Variants in TMTC1 observed in about 807,000 individuals in gnomAD.
TMTC1 encodes the protein protein O-mannosyl-transferase TMTC1.
A neutral mutation model predicts 104.8 loss-of-function variants in TMTC1; 73 were observed. The ratio of observed to expected loss-of-function variants is 0.70; its 90% CI spans 0.58 to 0.85. TMTC1 has a LOEUF of 0.85. TMTC1 is among the 40% of genes least tolerant of loss of function. The pLI, the probability that TMTC1 is intolerant of heterozygous loss-of-function variation, is 0.00. For missense variants in TMTC1, 1,035 were observed against 1,096.1 expected (o/e 0.94, Z 0.79); for synonymous variants, 434 against 428.7 (o/e 1.01, Z -0.15).
At chr12:29,686,179 C>A (rs1001008713) in intron 5 of TMTC1, among the ~76,000 whole-genome samples, 1 of 152,200 alleles carries the variant, frequency 6.6e-6, no homozygotes, top group African/African-American at 2.4e-5. Flanking sequence ...CTCCTGGATT[C>A]TTTGAACATC....
chr12:29,739,689 C>T (rs566393511), intron 5 of TMTC1, among the ~76,000 whole-genome samples: 2 of 152,126 alleles, frequency 1.3e-5, no homozygotes, highest in South Asian at 4.1e-4. Flanking sequence ...CTGCACTCGT[C>T]AAATTTTAAA....
At chr12:29,603,032 G>A (rs902572017) in intron 7 of TMTC1, among the ~76,000 whole-genome samples, 1 of 152,164 alleles carries the variant, frequency 6.6e-6, no homozygotes, top group Admixed American at 6.5e-5. Context: ...TTATTGGCAA[G>A]CCTTCACAAG....
chr12:29,584,734 C>A (rs191375016), intron 7 of TMTC1, among the ~76,000 whole-genome samples: 2,994 of 152,046 alleles, frequency 0.02, 49 homozygotes, highest in South Asian at 0.044. Flanking sequence ...ATGATGGTTT[C>A]CAGCTTCATC....
chr12:29,615,942 T>C (rs1946966176), intron 6 of TMTC1, among the ~76,000 whole-genome samples: 1 of 152,190 alleles, frequency 6.6e-6, no homozygotes, highest in Non-Finnish European at 1.5e-5. Flanking sequence ...CAGGCACCTT[T>C]GTATATCAAA....
intron 5 of TMTC1, among the ~76,000 whole-genome samples, chr12:29,710,270 T>C (rs1001238403): frequency 2.0e-5 from 3 of 152,060 alleles, no homozygotes; most frequent in East Asian, 3.9e-4. Context: ...CCAGGCCTGT[T>C]AGGACACAGC....
chr12:29,661,850 G>C (rs915891360), intron 5 of TMTC1, among the ~76,000 whole-genome samples: 1 of 152,160 alleles, frequency 6.6e-6, no homozygotes, highest in East Asian at 1.9e-4. Context: ...AACCAAACTA[G>C]GTTACAAGAA....
intron 7 of TMTC1, among the ~76,000 whole-genome samples, chr12:29,602,621 C>T (rs1419568868): frequency 6.6e-6 from 1 of 151,702 alleles, no homozygotes; most frequent in Non-Finnish European, 1.5e-5. Flanking sequence ...AATTACTTGA[C>T]ATAAAGAATA....
Position 29,536,211 on chromosome 12 carries a change from G to T in TMTC1, c.1783C>A (p.Gln595Lys), listed in dbSNP as rs1944638756. Residue 595 changes from glutamine to lysine, a missense_variant and splice_region_variant, in exon 11 of 18, where the codon CAG becomes AAG. Transcript: ENST00000539277. ...YSSLASLLAEQERFKEAEEIY... is the reference protein window; with the variant it reads ...YSSLASLLAEKERFKEAEEIY... ...AAACTACTGTGTGAAACAATTACCT[G>T]CTCAGCCAATAACGAAGCTAAGCTT... 6.3e-7 allele frequency: 1 copy of T among 1,597,932 alleles called. No individual in the cohort carries two copies. The highest frequency in any genetic ancestry group is 8.6e-7 in the Non-Finnish European group (1 of 1,166,054).
intron 5 of TMTC1, among the ~76,000 whole-genome samples, chr12:29,634,856 G>A (rs374338449): frequency 1.3e-5 from 2 of 152,128 alleles, no homozygotes; most frequent in African/African-American, 4.8e-5. Flanking sequence ...AGTGTGAAGC[G>A]TCAGTTCACC....
intron 5 of TMTC1, among the ~76,000 whole-genome samples, chr12:29,739,424 C>A (rs993642348): frequency 6.6e-6 from 1 of 152,168 alleles, no homozygotes; most frequent in African/African-American, 2.4e-5. Context: ...TCAGCTTGAG[C>A]CAAACTTCCC....
At chr12:29,749,566 C>A (rs1943038034) in intron 5 of TMTC1, among the ~76,000 whole-genome samples, 1 of 152,252 alleles carries the variant, frequency 6.6e-6, no homozygotes, top group East Asian at 1.9e-4. Flanking sequence ...TTAAAAAATT[C>A]ACGATTTCCC....
chr12:29,599,993 C>CATATATATATATATATAT lies in TMTC1; in HGVS notation c.1250+4184_1250+4185insATATATATATATATATAT, dbSNP rs71444331. 1.1e-3 allele frequency among the ~76,000 whole-genome samples: 93 copies of CATATATATATATATATAT among 81,802 alleles called. 2 individuals carry two copies. Among genetic ancestry groups the CATATATATATATATATAT allele is most frequent in the African/African-American group, 5.4e-3 (81 of 15,092 alleles). 53.7% of individuals were successfully genotyped at this position (81,802 alleles called of 152,430 possible). On this transcript the variant is annotated intron_variant, in intron 7 of 17. Coordinates refer to ENST00000539277, the MANE Select transcript of TMTC1 (RefSeq NM_001193451.2). ...ATGTGTGTGTGTGTGTGTGTATATA[C>CATATATATATATATATAT]ATATATATATATATATTTTTTTTTT...
At chr12:29,764,771 C>A (rs956574120) in intron 2 of TMTC1, among the ~76,000 whole-genome samples, 1 of 152,154 alleles carries the variant, frequency 6.6e-6, no homozygotes, top group Non-Finnish European at 1.5e-5. Flanking sequence ...CTCCTCTGTC[C>A]CTTTCACTGT....
intron 5 of TMTC1, among the ~76,000 whole-genome samples, chr12:29,651,834 A>G (rs1014444553): frequency 6.6e-6 from 1 of 152,114 alleles, no homozygotes; most frequent in African/African-American, 2.4e-5. Context: ...ACAAAGGAGG[A>G]ACAGAAAATG....
chr12:29,614,180 A>G (rs1160623538), intron 6 of TMTC1, among the ~76,000 whole-genome samples: 1 of 152,198 alleles, frequency 6.6e-6, no homozygotes, highest in Admixed American at 6.5e-5. Flanking sequence ...GTAAAAGAGG[A>G]AAAAAAGGTG....
chr12:29,597,597 C>T (rs571050458), intron 7 of TMTC1, among the ~76,000 whole-genome samples: 6 of 150,260 alleles, frequency 4.0e-5, no homozygotes, highest in Middle Eastern at 3.4e-3. Flanking sequence ...CTGAATCTGA[C>T]CAGACACAGG....
intron 5 of TMTC1, among the ~76,000 whole-genome samples, chr12:29,641,516 G>A (rs1481824519): frequency 6.6e-6 from 1 of 152,142 alleles, no homozygotes; most frequent in East Asian, 1.9e-4. Flanking sequence ...TGGCTCACAG[G>A]AAGCCACATC....
chr12:29,769,941 A>AGT (rs1351618012), intron 1 of TMTC1, among the ~76,000 whole-genome samples: 6 of 151,884 alleles, frequency 4.0e-5, no homozygotes, highest in Non-Finnish European at 8.8e-5. Context: ...TATATATACA[A>AGT]ATACATACAT....
intron 5 of TMTC1, among the ~76,000 whole-genome samples, chr12:29,703,911 C>A (rs980865429): frequency 6.6e-6 from 1 of 152,172 alleles, no homozygotes; most frequent in South Asian, 2.1e-4. Flanking sequence ...GTGTCCCCAC[C>A]CAAATCTCAT....
Sources: allele counts gnomAD v4.1 joint callset (sites outside exome capture counted in the v4.1 genomes callset), GRCh38; gene constraint gnomAD v4.1.1; transcripts MANE v1.5; gene names NCBI Gene and HGNC (gene_info 2026-07-23, HGNC 2026-07-21).